The following PTPRR variants were observed in gnomAD, a reference collection of about 807,000 sequenced individuals.
PTPRR encodes the protein protein tyrosine phosphatase receptor type R, also known as receptor-type tyrosine-protein phosphatase R.
A neutral mutation model predicts 77.2 loss-of-function variants in PTPRR; 38 were observed. The observed-to-expected ratio is 0.49, with a 90% CI of 0.38 to 0.65. PTPRR has a LOEUF of 0.65. Among genes scored for constraint, PTPRR ranks in the 30% least tolerant of loss-of-function variants. The pLI is 0.00. For synonymous variants in PTPRR, 299 were observed against 283.1 expected (o/e 1.06, Z -0.57); for missense variants, 744 against 799.2 (o/e 0.93, Z 0.83).
chr12:70,868,960 C>T (rs1191790410), intron 2 of PTPRR, among the ~76,000 whole-genome samples: 1 of 144,478 alleles, frequency 6.9e-6, no homozygotes, highest in Non-Finnish European at 1.5e-5. Flanking sequence ...CGCATGTTCT[C>T]ACTCATAGGT....
intron 2 of PTPRR, among the ~76,000 whole-genome samples, chr12:70,769,514 TACAA>T (rs1890915887): frequency 6.6e-6 from 1 of 152,016 alleles, no homozygotes; most frequent in African/African-American, 2.4e-5. Flanking sequence ...TAAAAGAGGA[TACAA>T]ACAAATGGAA....
In PTPRR at chr12:70,639,038, G is replaced by A. The variant is rs1052564868; in HGVS notation, c.*146C>T. The A allele has an allele frequency of 1.2e-5, 8 of 677,898 alleles. No individual in the cohort carries two copies. In the African/African-American group the frequency reaches 1.4e-4, roughly 12 times the overall value. The allele number at this position is 677,898 out of a possible 1,614,324, so 42.0% of individuals were successfully genotyped here. A position where few individuals can be genotyped will look rare whatever the true frequency, so the allele number is the denominator to read the frequency against. On this transcript the variant is annotated 3_prime_UTR_variant, in exon 14 of 14. Coordinates refer to ENST00000283228, the MANE Select transcript of PTPRR (RefSeq NM_002849.4). ...ACAAGGAGCTGGAAATCTTAAATAT[G>A]TTGCCCAGTCTTCCACAATCCATGC...
At chr12:70,800,822 G>C (rs1325038335) in intron 2 of PTPRR, among the ~76,000 whole-genome samples, 1 of 151,942 alleles carries the variant, frequency 6.6e-6, no homozygotes, top group Non-Finnish European at 1.5e-5. Context: ...TTGAACCCGG[G>C]TGGCGGAGGT....
intron 5 of PTPRR, among the ~76,000 whole-genome samples, chr12:70,749,144 A>G (rs914987528): frequency 1.3e-5 from 2 of 152,172 alleles, no homozygotes; most frequent in Non-Finnish European, 2.9e-5. Flanking sequence ...AGACAGAGTG[A>G]TAAGACTAAA....
chr12:70,786,271 A>G (rs1891319908), intron 2 of PTPRR, among the ~76,000 whole-genome samples: 1 of 152,230 alleles, frequency 6.6e-6, no homozygotes, highest in South Asian at 2.1e-4. Context: ...AATTGAGACC[A>G]TGATTACTTC....
intron 6 of PTPRR, among the ~76,000 whole-genome samples, chr12:70,706,215 C>A (rs935734198): frequency 2.0e-5 from 3 of 152,022 alleles, no homozygotes; most frequent in Admixed American, 6.6e-5. Flanking sequence ...CTGTTTCCAT[C>A]TCTTTATCTT....
chr12:70,795,342 G>C (rs1047614603), intron 2 of PTPRR, among the ~76,000 whole-genome samples: 2 of 152,138 alleles, frequency 1.3e-5, no homozygotes, highest in Non-Finnish European at 2.9e-5. Flanking sequence ...CAAGTAAATA[G>C]GATGTTGGAA....
At chr12:70,690,329 A>T (rs1372770907) in intron 8 of PTPRR, among the ~76,000 whole-genome samples, 7 of 152,248 alleles carry the variant, frequency 4.6e-5, no homozygotes, top group African/African-American at 1.7e-4. Context: ...TCACAAAATC[A>T]GTTCTGCCTA....
chr12:70,883,601 A>G (rs1345175202), intron 2 of PTPRR, among the ~76,000 whole-genome samples: 2 of 152,154 alleles, frequency 1.3e-5, no homozygotes, highest in Non-Finnish European at 2.9e-5. Flanking sequence ...GGACTATACT[A>G]AGTTAAATGA....
intron 1 of PTPRR, among the ~76,000 whole-genome samples, chr12:70,905,715 G>T (rs1893611280): frequency 6.6e-6 from 1 of 151,870 alleles, no homozygotes; most frequent in Admixed American, 6.6e-5. Context: ...GAATGCATAA[G>T]GTAGAATGGC....
At chr12:70,650,868 A>T (rs1293176746) in intron 13 of PTPRR, among the ~76,000 whole-genome samples, 1 of 152,178 alleles carries the variant, frequency 6.6e-6, no homozygotes, top group Admixed American at 6.5e-5. Context: ...AAAATATCCT[A>T]AGACAGAGTT....
At chr12:70,757,212 T>C (rs1474682791) in intron 4 of PTPRR, among the ~76,000 whole-genome samples, 1 of 152,234 alleles carries the variant, frequency 6.6e-6, no homozygotes, top group Non-Finnish European at 1.5e-5. Context: ...CTTTTTTTCT[T>C]TGTAAATATT....
chr12:70,844,336 T>C (rs764178605), intron 2 of PTPRR, among the ~76,000 whole-genome samples: 26 of 152,132 alleles, frequency 1.7e-4, no homozygotes, highest in Middle Eastern at 6.8e-3. Context: ...GGGTCAAGGG[T>C]TATGTGTTTG....
chr12:70,860,024 T>A (rs1056858587), intron 2 of PTPRR, among the ~76,000 whole-genome samples: 28 of 152,058 alleles, frequency 1.8e-4, no homozygotes, highest in African/African-American at 6.8e-4. Flanking sequence ...TTTTTCCCCC[T>A]CCTCAGGGGT....
At chr12:70,859,263 AG>A (rs1314251488) in intron 2 of PTPRR, among the ~76,000 whole-genome samples, 1 of 152,082 alleles carries the variant, frequency 6.6e-6, no homozygotes, top group African/African-American at 2.4e-5. Context: ...GAATCAGTAG[AG>A]TAGCTTTAAA....
At chr12:70,725,161 T>C (rs529828748) in intron 6 of PTPRR, among the ~76,000 whole-genome samples, 2 of 152,238 alleles carry the variant, frequency 1.3e-5, no homozygotes, top group East Asian at 3.9e-4. Flanking sequence ...AGACATGATT[T>C]ATTTGCCATC....
intron 5 of PTPRR, among the ~76,000 whole-genome samples, chr12:70,752,307 T>C (rs1281993309): frequency 6.6e-6 from 1 of 152,194 alleles, no homozygotes; most frequent in African/African-American, 2.4e-5. Context: ...CCTATACTTC[T>C]GAAATGCTCC....
At chr12:70,887,127 C>G (rs1357708770) in intron 2 of PTPRR, among the ~76,000 whole-genome samples, 5 of 152,014 alleles carry the variant, frequency 3.3e-5, no homozygotes, top group Non-Finnish European at 7.4e-5. Context: ...GAAATTTGTT[C>G]CTGAAAACTA....
In PTPRR at chr12:70,826,444, C is replaced by A. The variant is rs142932861; in HGVS notation, c.358-61666G>T. ...ACTGCTGCCTTATCTGCTCCCAACC[C>A]CTTCTGGGAACTCCTTGAAATTGCT... On this transcript the variant is annotated intron_variant, in intron 2 of 13. Coordinates refer to ENST00000283228, the MANE Select transcript of PTPRR (RefSeq NM_002849.4). Among the ~76,000 whole-genome samples the A allele has an allele frequency of 1.4e-3, 220 of 152,264 alleles. 2 individuals are homozygous for A. The highest frequency in any genetic ancestry group is 5.1e-3 in the African/African-American group (213 of 41,540).
Sources: gnomAD v4.1 joint callset for allele counts (sites outside exome capture counted in the v4.1 genomes callset) on GRCh38, gnomAD v4.1.1 for gene constraint, MANE v1.5 for transcripts, NCBI Gene and HGNC (gene_info 2026-07-23, HGNC 2026-07-21) for gene names.